AGBL1: variants seen among roughly 807,000 people sequenced by gnomAD.
AGBL1 encodes AGBL carboxypeptidase 1, also known as cytosolic carboxypeptidase 4.
In AGBL1, 130 loss-of-function variants were observed where a neutral mutation model predicts 118.9. The ratio of observed to expected loss-of-function variants is 1.09; its 90% confidence interval spans 0.95 to 1.26. The LOEUF (loss-of-function observed/expected upper bound fraction) is 1.26, where lower values mean the gene tolerates loss of function less well. Among genes scored for constraint, AGBL1 ranks in the 50% most tolerant of loss-of-function variants. AGBL1 has a pLI of 0.00. For missense variants in AGBL1, 1,584 were observed against 1,298.1 expected (o/e 1.22, Z -3.38); for synonymous variants, 555 against 478.9 (o/e 1.16, Z -2.08).
At position 86,796,908 on chromosome 15, in the gene AGBL1, G is replaced by GA. The variant is rs369871319; in HGVS notation, c.3159-110177dup. On this transcript the variant is annotated intron_variant, in intron 22 of 22. Transcript: ENST00000614907. ...TTCTCACTACAAAGTTTATTTCTCA[G>GA]AATCAACCAGAATGAACTGTCCAGG... Among the ~76,000 whole-genome samples the GA allele has an allele frequency of 5.1e-3, 773 of 152,288 alleles. 6 individuals are homozygous for GA. The highest frequency in any genetic ancestry group is 0.018 in the African/African-American group (742 of 41,556).
chr15:86,749,222 T>G (rs1228025913), intron 22 of AGBL1, among the ~76,000 whole-genome samples: 1 of 152,186 alleles, frequency 6.6e-6, no homozygotes, highest in Non-Finnish European at 1.5e-5. Context: ...AAGAGGTCCT[T>G]CACATCCCTT....
intron 18 of AGBL1, among the ~76,000 whole-genome samples, chr15:86,503,270 AG>A (rs764882407): frequency 6.6e-5 from 10 of 151,462 alleles, no homozygotes; most frequent in Non-Finnish European, 1.5e-4. Context: ...AGCCTCAGTA[AG>A]GTCATTAGTA....
chr15:86,089,206 T>C (rs1414544422), intron 1 of AGBL1, among the ~76,000 whole-genome samples: 2 of 152,236 alleles, frequency 1.3e-5, no homozygotes, highest in Non-Finnish European at 2.9e-5. Context: ...CTTGTGACTG[T>C]TGACTTTCTC....
intron 21 of AGBL1, among the ~76,000 whole-genome samples, chr15:86,575,955 C>T (rs1344178584): frequency 6.6e-6 from 1 of 152,186 alleles, no homozygotes; most frequent in East Asian, 1.9e-4. Context: ...CACAAACATA[C>T]ATATACAAGA....
intron 21 of AGBL1, among the ~76,000 whole-genome samples, chr15:86,657,468 G>T (rs1596343289): frequency 6.6e-6 from 1 of 152,188 alleles, no homozygotes; most frequent in East Asian, 1.9e-4. Context: ...ATTAGATGCA[G>T]AAAATACTCT....
chr15:86,244,668 T>TC (rs571557178), intron 6 of AGBL1, among the ~76,000 whole-genome samples: 3 of 151,932 alleles, frequency 2.0e-5, no homozygotes, highest in Admixed American at 6.5e-5. Flanking sequence ...ATTATCTTTC[T>TC]CCCCCCACCA....
At chr15:86,451,701 C>T (rs1044765768) in intron 18 of AGBL1, among the ~76,000 whole-genome samples, 5 of 152,112 alleles carry the variant, frequency 3.3e-5, no homozygotes, top group African/African-American at 1.2e-4. Flanking sequence ...CATTACCTAC[C>T]AGAGACCACC....
intron 18 of AGBL1, among the ~76,000 whole-genome samples, chr15:86,494,391 G>C (rs928194429): frequency 6.6e-6 from 1 of 151,982 alleles, no homozygotes; most frequent in Non-Finnish European, 1.5e-5. Flanking sequence ...AGGTGGTTCT[G>C]TTCTTTCTTA....
chr15:86,556,216 T>G (rs1177247225), intron 21 of AGBL1: 1 of 1,611,166 alleles, frequency 6.2e-7, no homozygotes, highest in East Asian at 2.2e-5. Flanking sequence ...AACTCTCTAC[T>G]GTGCAGTGTA....
intron 18 of AGBL1, among the ~76,000 whole-genome samples, chr15:86,480,873 C>G (rs751537356): frequency 1.3e-5 from 2 of 151,990 alleles, no homozygotes; most frequent in African/African-American, 4.8e-5. Flanking sequence ...GGTGAGCATT[C>G]TAGTCTGGTT....
At chr15:86,865,004 G>C (rs1156678370) in intron 22 of AGBL1, among the ~76,000 whole-genome samples, 1 of 152,140 alleles carries the variant, frequency 6.6e-6, no homozygotes, top group Non-Finnish European at 1.5e-5. Flanking sequence ...TTACCATCCT[G>C]ATGGGAATAT....
intron 3 of AGBL1, 58 bp from the exon 4 acceptor site, chr15:86,154,372 T>G: frequency 1.3e-6 from 2 of 1,572,956 alleles, no homozygotes; most frequent in Non-Finnish European, 1.7e-6. Context: ...ACTGTACTCA[T>G]TGTACAATCC....
chr15:86,799,536 T>C (rs990402913), intron 22 of AGBL1, among the ~76,000 whole-genome samples: 20 of 152,150 alleles, frequency 1.3e-4, no homozygotes, highest in Non-Finnish European at 2.5e-4. Flanking sequence ...TTCTCACTCA[T>C]TTTCAGAGTA....
chr15:86,505,130 T>G (rs2082959710), intron 18 of AGBL1, among the ~76,000 whole-genome samples: 1 of 151,846 alleles, frequency 6.6e-6, no homozygotes, highest in Admixed American at 6.6e-5. Flanking sequence ...AGTTATTAAT[T>G]TCATTGTAGG....
At chr15:86,946,858 A>C (rs1271270388) in intron 23 of AGBL1, among the ~76,000 whole-genome samples, 33 of 150,828 alleles carry the variant, frequency 2.2e-4, no homozygotes, top group Non-Finnish European at 4.3e-4. Flanking sequence ...AAAAAAAAAA[A>C]AAACAAAATA....
chr15:86,142,947 C>T (rs962981171), intron 2 of AGBL1, among the ~76,000 whole-genome samples: 10 of 152,302 alleles, frequency 6.6e-5, no homozygotes, highest in South Asian at 4.1e-4. Context: ...ATCAGATGGT[C>T]GTCTTTGATA....
intron 18 of AGBL1, among the ~76,000 whole-genome samples, chr15:86,495,691 T>C (rs922525073): frequency 2.6e-5 from 4 of 152,038 alleles, no homozygotes; most frequent in African/African-American, 9.7e-5. Context: ...TTTTTTGAAA[T>C]GTAGTGAGTC....
rs781550364 is a variant in AGBL1 at position 86,727,089 on chromosome 15, T to C, written c.3158+52653T>C. ...TATCAAGGAAATGGAAAAGAAAGTG[T>C]CAGGCAGTACTTGGGATGATGGGGA... On this transcript the variant is annotated intron_variant, in intron 22 of 22. Coordinates refer to ENST00000614907, the MANE Select transcript of AGBL1 (RefSeq NM_001386094.1). 3.0e-4 allele frequency among the ~76,000 whole-genome samples: 46 copies of C among 152,262 alleles called. 1 individual carries two copies. The highest frequency in any genetic ancestry group is 6.2e-4 in the South Asian group (3 of 4,820).
chr15:86,274,186 C>G (rs947803822), intron 15 of AGBL1, among the ~76,000 whole-genome samples: 13 of 152,000 alleles, frequency 8.6e-5, no homozygotes, highest in African/African-American at 2.4e-4. Flanking sequence ...ATTGTTACAT[C>G]TTTATGCTAT....
Sources: allele counts gnomAD v4.1 joint callset (sites outside exome capture counted in the v4.1 genomes callset), GRCh38; gene constraint gnomAD v4.1.1; transcripts MANE v1.5; gene names NCBI Gene and HGNC (gene_info 2026-07-23, HGNC 2026-07-21).